SNTN: variants seen among roughly 807,000 people sequenced by gnomAD.
SNTN encodes sentan.
Under a neutral mutation model 12.3 loss-of-function variants are expected in SNTN, and 13 were observed. That is an observed-to-expected ratio of 1.05 (90% CI 0.69 to 1.67). The LOEUF (loss-of-function observed/expected upper bound fraction) is 1.67, where lower values mean the gene tolerates loss of function less well. Ranked by LOEUF, SNTN falls within the 40% of genes most tolerant of loss-of-function variation. SNTN has a pLI of 0.00. For missense variants in SNTN, 189 were observed against 169.8 expected (o/e 1.11, Z -0.63); for synonymous variants, 69 against 58.5 (o/e 1.18, Z -0.82).
At chr3:63,658,807 T>G (rs13081873) in intron 2 of SNTN, among the ~76,000 whole-genome samples, 25,855 of 152,070 alleles carry the variant, frequency 0.17, 2,223 homozygotes, top group South Asian at 0.2. Context: ...TCTTTGAAAC[T>G]GTCATTGTTG....
At chr3:63,653,592 G>A (rs1329233492) in intron 1 of SNTN, among the ~76,000 whole-genome samples, 1 of 152,088 alleles carries the variant, frequency 6.6e-6, no homozygotes, top group African/African-American at 2.4e-5. Flanking sequence ...TCCTTTTAAG[G>A]AGTTATCCAA....
chr3:63,662,665 T>G (rs1053933712), intron 3 of SNTN, among the ~76,000 whole-genome samples: 4 of 152,098 alleles, frequency 2.6e-5, no homozygotes, highest in Admixed American at 1.3e-4. Context: ...AGTAGAGAGC[T>G]CCCCTTGGCC....
At chr3:63,658,401 AATATATATATATAT>A in intron 2 of SNTN, among the ~76,000 whole-genome samples, 1 of 123,148 alleles carries the variant, frequency 8.1e-6, no homozygotes, top group South Asian at 3.2e-4. Flanking sequence ...ACAAGTTGTA[AATATATATATATAT>A]ATATATATAT....
chr3:63,663,892 A>C, intron 3 of SNTN, 45 bp from the exon 4 acceptor site: 1 of 1,591,174 alleles, frequency 6.3e-7, no homozygotes, highest in Non-Finnish European at 8.6e-7. Flanking sequence ...CTGTAAACCT[A>C]AAGTCTATAC....
rs1356603386 is a variant in SNTN at position 63,664,238 on chromosome 3, T to C, written c.*143T>C. 1.4e-6 allele frequency: 1 copy of C among 721,374 alleles called. No homozygotes were observed. The highest frequency in any genetic ancestry group is 2.2e-6 in the Non-Finnish European group (1 of 452,166). 44.7% of individuals were successfully genotyped at this position (721,374 alleles called of 1,614,324 possible). A position where few individuals can be genotyped will look rare whatever the true frequency, so the allele number is the denominator to read the frequency against. On this transcript the variant is annotated 3_prime_UTR_variant, in exon 4 of 4. Transcript: ENST00000343837. Reference sequence around the variant, plus strand: ...TCTGATTGCTGGTATTCAGATCCAATGTAACTCCAAATATTTACCCATACA... The same window carrying C: ...TCTGATTGCTGGTATTCAGATCCAACGTAACTCCAAATATTTACCCATACA...
chr3:63,661,091 G>C (rs992355320), intron 3 of SNTN, among the ~76,000 whole-genome samples: 2 of 152,150 alleles, frequency 1.3e-5, no homozygotes, highest in Non-Finnish European at 2.9e-5. Flanking sequence ...CAGTGGATTA[G>C]AGTAAAAAAT....
chr3:63,657,578 A>G (rs2106940409), intron 2 of SNTN, among the ~76,000 whole-genome samples: 1 of 152,284 alleles, frequency 6.6e-6, no homozygotes, highest in Non-Finnish European at 1.5e-5. Context: ...CTCTGTTTTT[A>G]CCATGGCCAT....
chr3:63,660,052 A>G (rs34395704), intron 3 of SNTN, among the ~76,000 whole-genome samples, 188 bp downstream of exon 3: 25,916 of 152,100 alleles, frequency 0.17, 2,258 homozygotes, highest in South Asian at 0.2. Flanking sequence ...CCCCAGCAGA[A>G]GAAAGAAATA....
At position 63,663,436 on chromosome 3, in the gene SNTN, A is replaced by T. The variant is rs994561582; in HGVS notation, c.286-501A>T. 1.7e-4 allele frequency among the ~76,000 whole-genome samples: 26 copies of T among 152,148 alleles called. 1 individual carries two copies. Among genetic ancestry groups the T allele is most frequent in the Admixed American group, 1.4e-3 (22 of 15,268 alleles). On this transcript the variant is annotated intron_variant, in intron 3 of 3. Transcript: ENST00000343837. ...TGTTATTATTGTTAATAACATGTTT[A>T]TTATTTACTATGATTTGGATGTTTG...
chr3:63,661,119 C>T lies in SNTN; in HGVS notation c.285+1255C>T, dbSNP rs140099186. ...TAAAAAATAATAGTGAAAAAATAGA[C>T]GACTATCAATTCTTATTTAGTGTTT... On this transcript the variant is annotated intron_variant, in intron 3 of 3. Coordinates refer to ENST00000343837, the MANE Select transcript of SNTN (RefSeq NM_001080537.2). Among the ~76,000 whole-genome samples, 19 of 152,144 alleles carry T rather than the reference C, an allele frequency of 1.2e-4. No homozygotes were observed. The East Asian group carries it at 3.1e-3, about 25-fold the overall frequency.
intron 1 of SNTN, among the ~76,000 whole-genome samples, chr3:63,653,954 T>C (rs1700648590): frequency 6.6e-6 from 1 of 152,176 alleles, no homozygotes; most frequent in African/African-American, 2.4e-5. Context: ...CATATGGTGA[T>C]TTCTGCCACA....
chr3:63,654,605 A>G (rs1031425279), intron 1 of SNTN, among the ~76,000 whole-genome samples, 157 bp from the exon 2 acceptor site: 1 of 152,200 alleles, frequency 6.6e-6, no homozygotes, highest in Non-Finnish European at 1.5e-5. Flanking sequence ...TGGCAGGGAG[A>G]AAAAGGATTT....
intron 2 of SNTN, among the ~76,000 whole-genome samples, chr3:63,656,898 C>T (rs1216527713): frequency 6.6e-6 from 1 of 152,170 alleles, no homozygotes; most frequent in African/African-American, 2.4e-5. Flanking sequence ...AGCTATAATA[C>T]TTAGCCTCTT....
At chr3:63,661,445 G>T (rs796274440) in intron 3 of SNTN, among the ~76,000 whole-genome samples, 2 of 152,054 alleles carry the variant, frequency 1.3e-5, no homozygotes, top group African/African-American at 2.4e-5. Context: ...GTCACCCACT[G>T]GGGGGAGCTA....
intron 2 of SNTN, among the ~76,000 whole-genome samples, chr3:63,659,176 TGA>T (rs1700715712): frequency 6.6e-6 from 1 of 152,180 alleles, no homozygotes; most frequent in African/African-American, 2.4e-5. Context: ...GAAGCTTACC[TGA>T]GAGAAACCAG....
At chr3:63,659,925 C>G in intron 3 of SNTN, 61 bp downstream of exon 3, 1 of 1,575,658 alleles carries the variant, frequency 6.3e-7, no homozygotes, top group Non-Finnish European at 8.7e-7. Flanking sequence ...ACCCAATGAG[C>G]AAATAACTCC....
chr3:63,662,721 A>G (rs1349328016), intron 3 of SNTN, among the ~76,000 whole-genome samples: 1 of 152,164 alleles, frequency 6.6e-6, no homozygotes, highest in African/African-American at 2.4e-5. Flanking sequence ...AACAGCCTAT[A>G]AGAGGAATGT....
rs571798640 is a variant in SNTN at position 63,658,356 on chromosome 3, T to G, written c.146-1369T>G. On this transcript the variant is annotated intron_variant, in intron 2 of 3. Coordinates refer to ENST00000343837, the MANE Select transcript of SNTN (RefSeq NM_001080537.2). The stretch of plus-strand genomic sequence containing the variant: ...CCTCCCAGACCCACTCTGTAATTTT[T>G]TTCCTGTCTCTGTACCTTCCTTGCC... Among the ~76,000 whole-genome samples, 3 of 151,260 alleles carry G rather than the reference T, an allele frequency of 2.0e-5. No individual in the cohort carries two copies. The South Asian group carries it at 6.3e-4, about 32-fold the overall frequency.
In SNTN at chr3:63,660,230, G is replaced by T. The variant is rs573526777; in HGVS notation, c.285+366G>T. Among the ~76,000 whole-genome samples, 5 of 152,282 alleles carry T rather than the reference G, an allele frequency of 3.3e-5. No homozygotes were observed. In the South Asian group the frequency reaches 1.0e-3, roughly 32 times the overall value. On this transcript the variant is annotated intron_variant, in intron 3 of 3. Coordinates refer to ENST00000343837, the MANE Select transcript of SNTN (RefSeq NM_001080537.2). ...GCAGGAGGTAGCTAGGCAAGGGGGA[G>T]TGAGAATGATGGCGTTCCAAGCAGA...
Sources: gnomAD v4.1 joint callset for allele counts (sites outside exome capture counted in the v4.1 genomes callset) on GRCh38, gnomAD v4.1.1 for gene constraint, MANE v1.5 for transcripts, NCBI Gene and HGNC (gene_info 2026-07-23, HGNC 2026-07-21) for gene names.